The following PCDHGC4 variants were observed in gnomAD, a reference collection of about 807,000 sequenced individuals.
The protein encoded by PCDHGC4 is protocadherin gamma-C4.
A neutral mutation model predicts 59.7 loss-of-function variants in PCDHGC4; 15 were observed. The ratio of observed to expected loss-of-function variants is 0.25; its 90% confidence interval spans 0.17 to 0.39. The LOEUF (loss-of-function observed/expected upper bound fraction) is 0.39, where lower values mean the gene tolerates loss of function less well. PCDHGC4 is among the 10% of genes least tolerant of loss of function. PCDHGC4 has a pLI of 1.00. For synonymous variants in PCDHGC4, 434 were observed against 481.4 expected, an observed-to-expected ratio of 0.90 and a Z score of 1.29; for missense variants, 1,016 against 1,189.5, an observed-to-expected ratio of 0.85 and a Z score of 2.15.
In PCDHGC4 at chr5:141,491,727, G is replaced by C; in HGVS notation, c.2443-3080G>C. On this transcript the variant is annotated intron_variant, in intron 1 of 3. Transcript: ENST00000306593. This position sits in a 1 kb window ranked among gnomAD's most constrained non-coding sequence, Gnocchi z 6.9. ...TGAGGGGCTCGGCGCCGCCCCGGGC[G>C]ACCCCTGGGGGCGGCACTGGAGAAG... 6.2e-7 allele frequency: 1 copy of C among 1,604,916 alleles called. No individual in the cohort carries two copies. The highest frequency in any genetic ancestry group is 8.5e-7 in the Non-Finnish European group (1 of 1,176,284).
At position 141,489,871 on chromosome 5, in the gene PCDHGC4, G is replaced by C; in HGVS notation, c.2442+2256G>C. ...TGAAGCCCAGGCAAGACATCAGCTGGTGCTTACTGCTGTGGATGGGGGGAC... is the reference window on the plus strand; with the variant it reads ...TGAAGCCCAGGCAAGACATCAGCTGCTGCTTACTGCTGTGGATGGGGGGAC... On this transcript the variant is annotated intron_variant, in intron 1 of 3. Coordinates refer to ENST00000306593, the MANE Select transcript of PCDHGC4 (RefSeq NM_018928.3). The surrounding 1 kb of genome is among the most constrained non-coding windows in gnomAD (Gnocchi z 4.5). 1 of 1,614,206 alleles carries C rather than the reference G, an allele frequency of 6.2e-7. No individual in the cohort carries two copies.
Position 141,486,697 on chromosome 5 carries a change from C to G in PCDHGC4, c.1524C>G (p.Ile508Met). 1 of 1,614,176 alleles carries G rather than the reference C, an allele frequency of 6.2e-7. No individual in the cohort carries two copies. The highest frequency in any genetic ancestry group is 8.5e-7 in the Non-Finnish European group (1 of 1,180,032). ...RNRDVSASSF[I>M]SLNPQTGAVH... ...GAGATGTATCAGCTTCCTCTTTCATCTCTCTGAACCCCCAGACAGGAGCTG... is the reference window on the plus strand; with the variant it reads ...GAGATGTATCAGCTTCCTCTTTCATGTCTCTGAACCCCCAGACAGGAGCTG... Residue 508 changes from isoleucine to methionine, a missense_variant, in exon 1 of 4, where the codon ATC (isoleucine) becomes ATG (methionine). By Grantham distance (10) the Ile-to-Met change is conservative (BLOSUM62 1). Coordinates refer to ENST00000306593, the MANE Select transcript of PCDHGC4 (RefSeq NM_018928.3). The surrounding 1 kb of genome is among the most constrained non-coding windows in gnomAD (Gnocchi z 5.0).
At chr5:141,495,193 T>G (rs1471524188) in intron 2 of PCDHGC4, among the ~76,000 whole-genome samples, 2 of 152,192 alleles carry the variant, frequency 1.3e-5, no homozygotes, top group Non-Finnish European at 2.9e-5. Flanking sequence ...TCTATGCCCA[T>G]GTACTGCCTA....
chr5:141,501,333 A>ACACACACC (rs1186649373), intron 2 of PCDHGC4, among the ~76,000 whole-genome samples: 1 of 140,020 alleles, frequency 7.1e-6, no homozygotes, highest in African/African-American at 2.6e-5. Context: ...ACACACACAC[A>ACACACACC]CCCCAAACTC....
At chr5:141,488,159 C>T (rs888153570) in intron 1 of PCDHGC4, among the ~76,000 whole-genome samples, 1 of 152,126 alleles carries the variant, frequency 6.6e-6, no homozygotes, top group Non-Finnish European at 1.5e-5. Flanking sequence ...GAGAGGCACG[C>T]ATCAGAGTGG....
intron 1 of PCDHGC4, among the ~76,000 whole-genome samples, chr5:141,492,341 C>T (rs2099739551): frequency 6.6e-6 from 1 of 152,222 alleles, no homozygotes; most frequent in East Asian, 1.9e-4. Flanking sequence ...CGAATACCAG[C>T]TTTCACTGCC....
At position 141,487,488 on chromosome 5, in the gene PCDHGC4, G is replaced by A; in HGVS notation, c.2315G>A (p.Cys772Tyr). Reference protein sequence around the residue: ...FVDVGGHSHGCTPLASAPTRS... With the variant: ...FVDVGGHSHGYTPLASAPTRS... ...GATGTGGGAGGCCACTCTCATGGCT[G>A]TACACCCTTGGCTTCTGCACCCACT... The change falls in exon 1 of 4, where the codon TGT becomes TAT. Residue 772 changes from cysteine (C) to tyrosine (Y), a missense_variant. Transcript: ENST00000306593. This position sits in a 1 kb window ranked among gnomAD's most constrained non-coding sequence, Gnocchi z 5.0. The A allele has an allele frequency of 6.2e-7, 1 of 1,614,204 alleles. No homozygotes were observed. The highest frequency in any genetic ancestry group is 8.5e-7 in the Non-Finnish European group (1 of 1,180,038).
intron 3 of PCDHGC4, among the ~76,000 whole-genome samples, chr5:141,505,976 A>G (rs911235674): frequency 1.3e-5 from 2 of 152,136 alleles, no homozygotes; most frequent in Admixed American, 1.3e-4. Context: ...CCCAGCCGAG[A>G]GAACACCTCC....
intron 2 of PCDHGC4, among the ~76,000 whole-genome samples, chr5:141,497,126 C>T (rs565697662): frequency 8.2e-4 from 125 of 151,844 alleles, no homozygotes; most frequent in African/African-American, 3.0e-3. Flanking sequence ...GCAGAGGTTG[C>T]AGTGAGCTGA....
chr5:141,492,320 G>A (rs1001784912), intron 1 of PCDHGC4, among the ~76,000 whole-genome samples: 1 of 152,206 alleles, frequency 6.6e-6, no homozygotes. Flanking sequence ...CTCCTCGCAC[G>A]TGGGCTTACG....
chr5:141,501,311 AC>A (rs2099807696), intron 2 of PCDHGC4, among the ~76,000 whole-genome samples: 1 of 151,670 alleles, frequency 6.6e-6, no homozygotes, highest in Non-Finnish European at 1.5e-5. Context: ...ACACACACAC[AC>A]ACACACACAC....
Position 141,489,629 on chromosome 5 carries a change from C to G in PCDHGC4, c.2442+2014C>G. 6.2e-7 allele frequency: 1 copy of G among 1,614,142 alleles called. No individual in the cohort carries two copies. The highest frequency in any genetic ancestry group is 8.5e-7 in the Non-Finnish European group (1 of 1,180,014). On this transcript the variant is annotated intron_variant, in intron 1 of 3. Coordinates refer to ENST00000306593, the MANE Select transcript of PCDHGC4 (RefSeq NM_018928.3). The surrounding 1 kb of genome is among the most constrained non-coding windows in gnomAD (Gnocchi z 4.5). Reference sequence around the variant, plus strand: ...GAGATCCTGGATCTCAATGACAACTCTCCTAGCTTTGCCACCCCTGAGCGA... The same window carrying G: ...GAGATCCTGGATCTCAATGACAACTGTCCTAGCTTTGCCACCCCTGAGCGA...
Position 141,490,481 on chromosome 5 carries a change from G to A in PCDHGC4, c.2442+2866G>A, listed in dbSNP as rs771164683. 8.7e-6 allele frequency: 14 copies of A among 1,614,060 alleles called. No homozygotes were observed. The highest frequency in any genetic ancestry group is 4.0e-5 in the African/African-American group (3 of 74,928). ...CTGCTAACCAGCCAGCCTTTGGACCGGGAGGCCACATCCCACTATATCATC... is the reference window on the plus strand; with the variant it reads ...CTGCTAACCAGCCAGCCTTTGGACCAGGAGGCCACATCCCACTATATCATC... On this transcript the variant is annotated intron_variant, in intron 1 of 3. Transcript: ENST00000306593. The surrounding 1 kb of genome is among the most constrained non-coding windows in gnomAD (Gnocchi z 5.4).
At chr5:141,499,880 G>A (rs1177287013) in intron 2 of PCDHGC4, among the ~76,000 whole-genome samples, 1 of 151,886 alleles carries the variant, frequency 6.6e-6, no homozygotes, top group African/African-American at 2.4e-5. Flanking sequence ...TACAAACAGG[G>A]TTTCGCCATG....
In PCDHGC4 at chr5:141,490,889, T is replaced by G. The variant is rs568838001; in HGVS notation, c.2442+3274T>G. The G allele has an allele frequency of 6.2e-7, 1 of 1,613,406 alleles. No homozygotes were observed. Among genetic ancestry groups the G allele is most frequent in the Non-Finnish European group, 8.5e-7 (1 of 1,179,428 alleles). ...CCCCCATTGCATGCCAACACATCTCTGCATGTGTTTGTCCTAGACGAGAAT... is the reference window on the plus strand; with the variant it reads ...CCCCCATTGCATGCCAACACATCTCGGCATGTGTTTGTCCTAGACGAGAAT... On this transcript the variant is annotated intron_variant, in intron 1 of 3. Coordinates refer to ENST00000306593, the MANE Select transcript of PCDHGC4 (RefSeq NM_018928.3). This position sits in a 1 kb window ranked among gnomAD's most constrained non-coding sequence, Gnocchi z 5.4.
Position 141,489,564 on chromosome 5 carries a change from G to A in PCDHGC4, c.2442+1949G>A, listed in dbSNP as rs375200685. The A allele has an allele frequency of 1.9e-6, 3 of 1,613,980 alleles. No homozygotes were observed. Among genetic ancestry groups the A allele is most frequent in the Non-Finnish European group, 1.7e-6 (2 of 1,180,020 alleles). On this transcript the variant is annotated intron_variant, in intron 1 of 3. Transcript: ENST00000306593. This position sits in a 1 kb window ranked among gnomAD's most constrained non-coding sequence, Gnocchi z 4.5. Reference sequence around the variant, plus strand: ...CCAGCTGCCTGCTGCCAGTGCAGGTGGTGACTGAACACCCCCTGGAGCTAA... The same window carrying A: ...CCAGCTGCCTGCTGCCAGTGCAGGTAGTGACTGAACACCCCCTGGAGCTAA...
intron 3 of PCDHGC4, among the ~76,000 whole-genome samples, chr5:141,509,776 C>T (rs898626809): frequency 7.2e-5 from 11 of 152,140 alleles, no homozygotes; most frequent in African/African-American, 9.7e-5. Context: ...GTCTAGTCCC[C>T]GAGATCATCA....
chr5:141,490,033 A>C lies in PCDHGC4; in HGVS notation c.2442+2418A>C, dbSNP rs200482631. The C allele has an allele frequency of 4.0e-5, 65 of 1,614,116 alleles. No homozygotes were observed. Among genetic ancestry groups the C allele is most frequent in the Non-Finnish European group, 4.1e-5 (48 of 1,180,040 alleles). On this transcript the variant is annotated intron_variant, in intron 1 of 3. Transcript: ENST00000306593. This position sits in a 1 kb window ranked among gnomAD's most constrained non-coding sequence, Gnocchi z 5.4. ...CATTGGTACTCTGCTGCTCCGCCTC[A>C]ATGCCACTGATCCAGACGAGGGCAC...
rs1225025591 is a variant in PCDHGC4 at position 141,493,316 on chromosome 5, T to G, written c.2443-1491T>G. Among the ~76,000 whole-genome samples, 2 of 152,198 alleles carry G rather than the reference T, an allele frequency of 1.3e-5. No homozygotes were observed. The highest frequency in any genetic ancestry group is 2.1e-4 in the South Asian group (1 of 4,826). Reference sequence around the variant, plus strand: ...AGTTCACAGAGCAAGTAAGAGAGATTCTAACCCCTGTCTAACTCCAGAATG... The same window carrying G: ...AGTTCACAGAGCAAGTAAGAGAGATGCTAACCCCTGTCTAACTCCAGAATG... On this transcript the variant is annotated intron_variant, in intron 1 of 3. Coordinates refer to ENST00000306593, the MANE Select transcript of PCDHGC4 (RefSeq NM_018928.3). This position sits in a 1 kb window ranked among gnomAD's most constrained non-coding sequence, Gnocchi z 4.3.
Sources: allele counts gnomAD v4.1 joint callset (sites outside exome capture counted in the v4.1 genomes callset), GRCh38; gene constraint gnomAD v4.1.1; non-coding constraint Gnocchi (gnomAD v3.1); transcripts MANE v1.5; gene names NCBI Gene and HGNC (gene_info 2026-07-23, HGNC 2026-07-21).